Variants in SLC10A7 observed in about 807,000 individuals in gnomAD.
SLC10A7 encodes solute carrier family 10 member 7.
In SLC10A7, 29 loss-of-function variants were observed where a neutral mutation model predicts 43.2. The ratio of observed to expected loss-of-function variants is 0.67; its 90% CI spans 0.50 to 0.92. The LOEUF (loss-of-function observed/expected upper bound fraction) is 0.92. Ranked by LOEUF, SLC10A7 falls within the 40% of genes least tolerant of loss-of-function variation. SLC10A7 has a pLI of 0.00. For missense variants in SLC10A7, 295 were observed against 403.2 expected (o/e 0.73, Z 2.30); for synonymous variants, 152 against 144.8 (o/e 1.05, Z -0.35).
chr4:146,505,412 AG>A (rs1401892105), intron 3 of SLC10A7, among the ~76,000 whole-genome samples: 1 of 152,180 alleles, frequency 6.6e-6, no homozygotes, highest in Non-Finnish European at 1.5e-5. Context: ...TTTATATTAT[AG>A]GTAAGGCCTC....
chr4:146,424,898 T>C (rs1729229415), intron 5 of SLC10A7, among the ~76,000 whole-genome samples: 1 of 152,084 alleles, frequency 6.6e-6, no homozygotes, highest in Admixed American at 6.5e-5. Context: ...CAGTATAGTG[T>C]TGAAAAAGAA....
At chr4:146,350,467 C>A (rs1191316150) in intron 5 of SLC10A7, among the ~76,000 whole-genome samples, 2 of 141,256 alleles carry the variant, frequency 1.4e-5, no homozygotes, top group African/African-American at 5.5e-5. Context: ...GGGCGCCCGC[C>A]ATTGCCCAGG....
chr4:146,484,034 G>A (rs773065107), intron 4 of SLC10A7, among the ~76,000 whole-genome samples: 1 of 152,126 alleles, frequency 6.6e-6, no homozygotes, highest in Admixed American at 6.5e-5. Context: ...TAACAATAAT[G>A]AACTTCAATA....
chr4:146,508,986 G>A (rs1015448306), intron 3 of SLC10A7, among the ~76,000 whole-genome samples: 4 of 152,084 alleles, frequency 2.6e-5, no homozygotes, highest in Non-Finnish European at 5.9e-5. Context: ...TTTACTGACT[G>A]GAAAACACAA....
chr4:146,507,717 G>A (rs2150039562), intron 3 of SLC10A7, among the ~76,000 whole-genome samples: 1 of 152,230 alleles, frequency 6.6e-6, no homozygotes, highest in East Asian at 1.9e-4. Flanking sequence ...ACCTCACTCT[G>A]TCCCTTTACT....
At chr4:146,369,144 C>T (rs899214832) in intron 5 of SLC10A7, among the ~76,000 whole-genome samples, 3 of 152,130 alleles carry the variant, frequency 2.0e-5, no homozygotes, top group Non-Finnish European at 4.4e-5. Flanking sequence ...ATTCCTCCAG[C>T]AGGTATAAGG....
rs1467626496 is a variant in SLC10A7 at position 146,259,635 on chromosome 4, A to T, written c.848-798T>A. ...GGCTGAATGTTTAAACTCCACAGTG[A>T]ATGTCTTCATGGAACTCAAATGAAT... On this transcript the variant is annotated intron_variant, in intron 10 of 11. Transcript: ENST00000335472. 3.3e-5 allele frequency among the ~76,000 whole-genome samples: 5 copies of T among 152,204 alleles called. 1 individual carries two copies. Among genetic ancestry groups the T allele is most frequent in the Non-Finnish European group, 7.3e-5 (5 of 68,032 alleles).
At chr4:146,380,493 G>A (rs1283723035) in intron 5 of SLC10A7, among the ~76,000 whole-genome samples, 1 of 152,090 alleles carries the variant, frequency 6.6e-6, no homozygotes, top group Admixed American at 6.6e-5. Context: ...GAGAGATCTT[G>A]CCAACATACC....
intron 11 of SLC10A7, 25 bp from the exon 12 acceptor site, chr4:146,256,545 G>A (rs1191796703): frequency 6.2e-7 from 1 of 1,613,478 alleles, no homozygotes. Flanking sequence ...AACATGTTCA[G>A]AGTTGGACAG....
At chr4:146,399,915 T>C (rs1739108579) in intron 5 of SLC10A7, among the ~76,000 whole-genome samples, 1 of 152,072 alleles carries the variant, frequency 6.6e-6, no homozygotes, top group South Asian at 2.1e-4. Flanking sequence ...AAGATATCAA[T>C]TGGCACAGAA....
rs185204064 is a variant in SLC10A7, at chr4:146,394,421, G to A, written c.435+48362C>T. ...GTTGCCCAGGCTGTAGTGCAGTGGCGCAATCTTGGCTCACTGCAACCTCAG... is the reference window on the plus strand; with the variant it reads ...GTTGCCCAGGCTGTAGTGCAGTGGCACAATCTTGGCTCACTGCAACCTCAG... On this transcript the variant is annotated intron_variant, in intron 5 of 11. Coordinates refer to ENST00000335472, the MANE Select transcript of SLC10A7 (RefSeq NM_001029998.6). Among the ~76,000 whole-genome samples the A allele has an allele frequency of 4.8e-3, 737 of 152,112 alleles. 1 individual carries two copies. The highest frequency in any genetic ancestry group is 7.5e-3 in the Non-Finnish European group (507 of 67,942).
intron 5 of SLC10A7, among the ~76,000 whole-genome samples, chr4:146,379,921 T>C (rs1261549580): frequency 2.0e-5 from 3 of 151,318 alleles, no homozygotes; most frequent in Non-Finnish European, 2.9e-5. Context: ...CACAAATATC[T>C]GCTTGACAAA....
chr4:146,477,318 T>A (rs2149978228), intron 4 of SLC10A7, among the ~76,000 whole-genome samples: 1 of 152,342 alleles, frequency 6.6e-6, no homozygotes, highest in South Asian at 2.1e-4. Context: ...AGAATAAGGC[T>A]TTTACACACT....
At chr4:146,358,505 A>C (rs968462863) in intron 5 of SLC10A7, among the ~76,000 whole-genome samples, 1 of 152,302 alleles carries the variant, frequency 6.6e-6, no homozygotes, top group South Asian at 2.1e-4. Flanking sequence ...CTAGTACTTC[A>C]GGAAAATCTC....
At chr4:146,315,363 C>T (rs1276532092) in intron 6 of SLC10A7, among the ~76,000 whole-genome samples, 2 of 152,020 alleles carry the variant, frequency 1.3e-5, no homozygotes, top group African/African-American at 4.8e-5. Context: ...ATAATGGCTG[C>T]TAAACACAGT....
At chr4:146,388,770 A>C (rs1738196132) in intron 5 of SLC10A7, among the ~76,000 whole-genome samples, 1 of 29,264 alleles carries the variant, frequency 3.4e-5, no homozygotes, top group African/African-American at 1.2e-4. Context: ...AAACAACAAC[A>C]ACAAAAAAAA....
chr4:146,289,666 T>C (rs996465842), intron 9 of SLC10A7, among the ~76,000 whole-genome samples: 2 of 150,856 alleles, frequency 1.3e-5, no homozygotes, highest in African/African-American at 4.9e-5. Context: ...AAGTAATGTA[T>C]TACAAAGTAG....
intron 3 of SLC10A7, among the ~76,000 whole-genome samples, chr4:146,505,401 CT>C (rs1017402904): frequency 1.1e-4 from 16 of 152,036 alleles, no homozygotes; most frequent in African/African-American, 3.9e-4. Context: ...TTAATCGACT[CT>C]TTATATTATA....
intron 5 of SLC10A7, among the ~76,000 whole-genome samples, chr4:146,359,582 G>C (rs1225707011): frequency 6.6e-6 from 1 of 152,060 alleles, no homozygotes; most frequent in Non-Finnish European, 1.5e-5. Context: ...GTGTTAAGGG[G>C]TGACAGTAAT....
Sources: allele counts gnomAD v4.1 joint callset (sites outside exome capture counted in the v4.1 genomes callset), GRCh38; gene constraint gnomAD v4.1.1; transcripts MANE v1.5; gene names NCBI Gene and HGNC (gene_info 2026-07-23, HGNC 2026-07-21).